THOP1: variants seen among roughly 807,000 people sequenced by gnomAD.
THOP1 encodes thimet oligopeptidase 1.
A neutral mutation model predicts 71.8 loss-of-function variants in THOP1; 49 were observed. The ratio of observed to expected loss-of-function variants is 0.68; its 90% CI spans 0.54 to 0.87. THOP1 has a LOEUF of 0.87. THOP1 is among the 40% of genes least tolerant of loss of function. The pLI is 0.00. For synonymous variants in THOP1, 426 were observed against 421.5 expected (o/e 1.01, Z -0.13); for missense variants, 843 against 975.6 (o/e 0.86, Z 1.81).
In THOP1 at chr19:2,807,028, A is replaced by G; in HGVS notation, c.862A>G (p.Ser288Gly). ...YVLEMNMAKT[S>G]QTVATFLDEL... ...CCTGGAGATGAACATGGCCAAGACC[A>G]GCCAGACCGTGGCCACCTTCCTAGG... Residue 288 changes from serine (S) to glycine (G), a missense_variant, in exon 7 of 13, where the codon AGC becomes GGC. Coordinates refer to ENST00000307741, the MANE Select transcript of THOP1 (RefSeq NM_003249.5). The G allele has an allele frequency of 1.9e-6, 3 of 1,611,212 alleles. No homozygotes were observed. Among genetic ancestry groups the G allele is most frequent in the African/African-American group, 1.3e-5 (1 of 74,908 alleles).
intron 1 of THOP1, 141 bp from the exon 2 acceptor site, chr19:2,790,280 T>A (rs1290689048): frequency 2.7e-6 from 2 of 740,974 alleles, no homozygotes; most frequent in African/African-American, 3.5e-5. Flanking sequence ...CTGGTCAGTC[T>A]GTGCTTCCCT....
intron 5 of THOP1, among the ~76,000 whole-genome samples, chr19:2,802,976 C>T (rs1433986499): frequency 1.3e-5 from 2 of 152,260 alleles, no homozygotes; most frequent in African/African-American, 2.4e-5. Flanking sequence ...TGAACCTGCT[C>T]TTACTGTGGG....
intron 4 of THOP1, among the ~76,000 whole-genome samples, 195 bp from the exon 5 acceptor site, chr19:2,799,494 T>C (rs1009658256): frequency 1.3e-5 from 2 of 152,336 alleles, no homozygotes; most frequent in East Asian, 1.9e-4. Flanking sequence ...AAATCCACAC[T>C]GCGCAGCCTC....
intron 2 of THOP1, among the ~76,000 whole-genome samples, chr19:2,792,199 G>A (rs1179239724): frequency 1.3e-5 from 2 of 152,176 alleles, no homozygotes; most frequent in African/African-American, 4.8e-5. Context: ...CTAGCGTCAG[G>A]CCTGGCCCAG....
Position 2,796,065 on chromosome 19 carries a change from G to C in THOP1, c.379-16G>C, listed in dbSNP as rs747664606. The stretch of plus-strand genomic sequence containing the variant: ...CACTGGCCCACGTCCTACATGCTTT[G>C]ATGTTTTTATTCCAGGAGAAAGTTC... On this transcript the variant is annotated splice_polypyrimidine_tract_variant and intron_variant, in intron 3 of 12. Transcript: ENST00000307741. The C allele has an allele frequency of 1.2e-6, 2 of 1,607,478 alleles. No individual in the cohort carries two copies. The highest frequency in any genetic ancestry group is 8.5e-7 in the Non-Finnish European group (1 of 1,174,496).
chr19:2,789,728 G>C lies in THOP1; in HGVS notation c.17-693G>C, dbSNP rs141959308. ...GTTTGTACAGGCTGATCTGTGCATGGTGTCTCCACTCTAGGGCAGGGGGAT... is the reference window on the plus strand; with the variant it reads ...GTTTGTACAGGCTGATCTGTGCATGCTGTCTCCACTCTAGGGCAGGGGGAT... On this transcript the variant is annotated intron_variant, in intron 1 of 12. Transcript: ENST00000307741. 1.1e-4 allele frequency among the ~76,000 whole-genome samples: 17 copies of C among 152,152 alleles called. No individual in the cohort carries two copies. The East Asian group carries it at 3.3e-3, about 29-fold the overall frequency.
intron 2 of THOP1, among the ~76,000 whole-genome samples, chr19:2,792,500 CGT>C (rs1915910022): frequency 7.0e-6 from 1 of 143,118 alleles, no homozygotes; most frequent in Non-Finnish European, 1.5e-5. Flanking sequence ...CTCCTCCAGA[CGT>C]GCGGAGCCTC....
chr19:2,803,240 A>G (rs1211957845), intron 5 of THOP1, among the ~76,000 whole-genome samples: 3 of 152,208 alleles, frequency 2.0e-5, no homozygotes, highest in Admixed American at 2.0e-4. Context: ...GTTAACAGTT[A>G]GGAAGCAGAC....
chr19:2,810,220 A>G, intron 9 of THOP1, 84 bp from the exon 10 acceptor site: 2 of 1,505,164 alleles, frequency 1.3e-6, no homozygotes, highest in East Asian at 2.3e-5. Context: ...CCCTGTTTGC[A>G]CTGTGGCAGC....
chr19:2,814,325 T>G lies in THOP1; in HGVS notation c.*1049T>G, dbSNP rs1189817965. ...TCTCTTCAGTCCCAGTGCTCTGATG[T>G]TTTCTCCCGCGACTGTGAGTTTCTC... On this transcript the variant is annotated 3_prime_UTR_variant, in exon 13 of 13. Coordinates refer to ENST00000307741, the MANE Select transcript of THOP1 (RefSeq NM_003249.5). The G allele has an allele frequency of 1.3e-5, 2 of 152,234 alleles. No individual in the cohort carries two copies. Among genetic ancestry groups the G allele is most frequent in the African/African-American group, 4.8e-5 (2 of 41,440 alleles). 9.4% of individuals were successfully genotyped at this position (152,234 alleles called of 1,614,324 possible).
intron 1 of THOP1, among the ~76,000 whole-genome samples, chr19:2,788,959 C>T (rs1321006611): frequency 1.3e-5 from 2 of 152,190 alleles, no homozygotes; most frequent in East Asian, 1.9e-4. Flanking sequence ...CGGGGTTTCA[C>T]CATGTTGTCC....
rs986762435 is a variant in THOP1, at chr19:2,813,816, T to G, written c.*540T>G. The G allele has an allele frequency of 6.5e-6, 1 of 153,210 alleles. No homozygotes were observed. The highest frequency in any genetic ancestry group is 1.5e-5 in the Non-Finnish European group (1 of 68,902). 9.5% of individuals were successfully genotyped at this position (153,210 alleles called of 1,614,324 possible). ...GTCTGAGAGACTTCGGCTTCCTGCA[T>G]GCTTCTCACCTGTTGTCATTCTGGA... On this transcript the variant is annotated 3_prime_UTR_variant, in exon 13 of 13. Transcript: ENST00000307741.
At chr19:2,807,916 C>T in intron 8 of THOP1, 108 bp downstream of exon 8, 1 of 1,288,866 alleles carries the variant, frequency 7.8e-7, no homozygotes. Flanking sequence ...TCCATGGGGC[C>T]TCGGGGATGA....
chr19:2,796,055 T>TA (rs758658417), intron 3 of THOP1, 26 bp from the exon 4 acceptor site: 1 of 1,595,072 alleles, frequency 6.3e-7, no homozygotes, highest in South Asian at 1.1e-5. Flanking sequence ...GCCCACGTCC[T>TA]ACATGCTTTG....
intron 1 of THOP1, among the ~76,000 whole-genome samples, chr19:2,787,344 A>G (rs1915771548): frequency 6.6e-6 from 1 of 152,198 alleles, no homozygotes. Flanking sequence ...AGGGATATTC[A>G]GGCCTTGGGA....
intron 4 of THOP1, among the ~76,000 whole-genome samples, chr19:2,797,260 A>G (rs1030324607): frequency 1.3e-5 from 2 of 152,096 alleles, no homozygotes; most frequent in Non-Finnish European, 2.9e-5. Flanking sequence ...CCCAGAGTGT[A>G]GGGGCTCGAG....
In THOP1 at chr19:2,812,807, G is replaced by T. The variant is rs372164637; in HGVS notation, c.1909-308G>T. Among the ~76,000 whole-genome samples the T allele has an allele frequency of 6.6e-5, 10 of 152,348 alleles. No individual in the cohort carries two copies. The East Asian group carries it at 1.7e-3, about 26-fold the overall frequency. On this transcript the variant is annotated intron_variant, in intron 12 of 12. Transcript: ENST00000307741. ...GAGCGGCTTCCACATTGTCCAGCCG[G>T]AGGCTCAGCCACTTCTGTTCATGGG...
Position 2,804,623 on chromosome 19 carries a change from C to T in THOP1, c.590-393C>T, listed in dbSNP as rs553837988. On this transcript the variant is annotated intron_variant, in intron 5 of 12. Transcript: ENST00000307741. The surrounding 1 kb of genome is among the most constrained non-coding windows in gnomAD (Gnocchi z 4.7). The stretch of plus-strand genomic sequence containing the variant: ...TTTCCTTGTGCAGTGGCCGGGCCAC[C>T]CTTCCCGCCACCCTCCTCCCTTCAC... 16 of 172,888 alleles carry T rather than the reference C, an allele frequency of 9.3e-5. No homozygotes were observed. The highest frequency in any genetic ancestry group is 1.8e-4 in the Non-Finnish European group (15 of 82,238). 10.7% of individuals were successfully genotyped at this position (172,888 alleles called of 1,614,324 possible).
intron 11 of THOP1, among the ~76,000 whole-genome samples, chr19:2,811,394 A>C (rs1450711844): frequency 6.6e-6 from 1 of 152,150 alleles, no homozygotes; most frequent in Non-Finnish European, 1.5e-5. Context: ...CTGTCCTTCC[A>C]GGAGAGGGGG....
Sources: allele counts gnomAD v4.1 joint callset (sites outside exome capture counted in the v4.1 genomes callset), GRCh38; gene constraint gnomAD v4.1.1; non-coding constraint Gnocchi (gnomAD v3.1); transcripts MANE v1.5; gene names NCBI Gene and HGNC (gene_info 2026-07-23, HGNC 2026-07-21).